The following ZDHHC14 variants were observed in gnomAD, a reference collection of about 807,000 sequenced individuals.
ZDHHC14 encodes the protein zDHHC palmitoyltransferase 14.
In ZDHHC14, 16 loss-of-function variants were observed where a neutral mutation model predicts 47.7. The observed-to-expected ratio is 0.34, with a 90% confidence interval of 0.23 to 0.51. The LOEUF is 0.51. Among genes scored for constraint, ZDHHC14 ranks in the 20% least tolerant of loss-of-function variants. The pLI, the probability that ZDHHC14 is intolerant of heterozygous loss-of-function variation, is 0.97. For missense variants in ZDHHC14, 515 were observed against 662.5 expected (o/e 0.78, Z 2.44); for synonymous variants, 293 against 278.9 (o/e 1.05, Z -0.50).
chr6:157,386,314 C>T (rs1290039246), intron 1 of ZDHHC14, among the ~76,000 whole-genome samples: 1 of 152,102 alleles, frequency 6.6e-6, no homozygotes, highest in Non-Finnish European at 1.5e-5. Flanking sequence ...CGAGACCAGC[C>T]TGGGCAACAT....
intron 2 of ZDHHC14, among the ~76,000 whole-genome samples, chr6:157,568,239 A>G (rs530283977): frequency 3.3e-5 from 5 of 152,336 alleles, no homozygotes; most frequent in African/African-American, 1.2e-4. Context: ...TCTCACTACA[A>G]AGTAATATAT....
chr6:157,454,297 T>C (rs949420546), intron 1 of ZDHHC14, among the ~76,000 whole-genome samples: 1 of 152,216 alleles, frequency 6.6e-6, no homozygotes, highest in African/African-American at 2.4e-5. Context: ...CCTTGGTATG[T>C]TCTCAATATT....
chr6:157,595,878 T>C (rs1784108080), intron 3 of ZDHHC14, among the ~76,000 whole-genome samples: 1 of 152,010 alleles, frequency 6.6e-6, no homozygotes, highest in Non-Finnish European at 1.5e-5. Context: ...ATGGTGGTGG[T>C]CTATGTATGG....
At chr6:157,572,104 C>CT (rs990240693) in intron 2 of ZDHHC14, among the ~76,000 whole-genome samples, 49 of 152,228 alleles carry the variant, frequency 3.2e-4, no homozygotes, top group African/African-American at 1.2e-3. Flanking sequence ...ATGGCCCACA[C>CT]TTTGAGTAGC....
At chr6:157,544,417 G>A (rs916785899) in intron 2 of ZDHHC14, among the ~76,000 whole-genome samples, 12 of 152,178 alleles carry the variant, frequency 7.9e-5, no homozygotes, top group African/African-American at 2.9e-4. Context: ...GGAGGTCAAG[G>A]TGGGAGGATC....
chr6:157,454,632 G>A (rs991276212), intron 1 of ZDHHC14, among the ~76,000 whole-genome samples: 1 of 151,752 alleles, frequency 6.6e-6, no homozygotes, highest in Non-Finnish European at 1.5e-5. Context: ...GCCTCCCCAA[G>A]TGCTGGGATT....
chr6:157,608,025 G>A (rs933858477), intron 3 of ZDHHC14, among the ~76,000 whole-genome samples: 2 of 152,232 alleles, frequency 1.3e-5, no homozygotes, highest in Non-Finnish European at 2.9e-5. Flanking sequence ...TACCTGGTTT[G>A]TGCCTGAAAA....
intron 1 of ZDHHC14, among the ~76,000 whole-genome samples, chr6:157,408,167 C>T (rs2114754673): frequency 6.6e-6 from 1 of 152,252 alleles, no homozygotes; most frequent in South Asian, 2.1e-4. Context: ...AGAAACCGCC[C>T]AAATAACAGA....
At chr6:157,492,307 G>T (rs528193939) in intron 1 of ZDHHC14, among the ~76,000 whole-genome samples, 1 of 150,884 alleles carries the variant, frequency 6.6e-6, no homozygotes, top group East Asian at 2.0e-4. Flanking sequence ...ACCTCAACTC[G>T]CTAAGTTCCA....
intron 4 of ZDHHC14, chr6:157,630,486 ACACT>A (rs1785632928): frequency 2.0e-5 from 3 of 152,118 alleles, no homozygotes; most frequent in South Asian, 2.1e-4. Context: ...CATTCTAGCC[ACACT>A]CACACTCATA....
intron 3 of ZDHHC14, among the ~76,000 whole-genome samples, chr6:157,619,361 A>AGC (rs1785092226): frequency 1.3e-5 from 2 of 152,234 alleles, no homozygotes; most frequent in South Asian, 4.1e-4. Context: ...ACTGTACTCC[A>AGC]GCCTGGGTGG....
At chr6:157,484,310 TATATACAC>T (rs1779712962) in intron 1 of ZDHHC14, among the ~76,000 whole-genome samples, 1 of 112,460 alleles carries the variant, frequency 8.9e-6, no homozygotes, top group Non-Finnish European at 2.0e-5. Flanking sequence ...TATATACATA[TATATACAC>T]ATATATATAC....
intron 1 of ZDHHC14, among the ~76,000 whole-genome samples, chr6:157,397,195 T>G (rs1028748210): frequency 4.3e-4 from 66 of 152,242 alleles, no homozygotes; most frequent in African/African-American, 1.5e-3. Context: ...GGGGGAGACT[T>G]AAGTATGGAA....
At chr6:157,576,952 C>A (rs924397567) in intron 2 of ZDHHC14, among the ~76,000 whole-genome samples, 1 of 152,106 alleles carries the variant, frequency 6.6e-6, no homozygotes, top group Non-Finnish European at 1.5e-5. Flanking sequence ...GTTTAGTGTA[C>A]AGATTATTTC....
intron 1 of ZDHHC14, among the ~76,000 whole-genome samples, chr6:157,410,895 C>T (rs1480809448): frequency 6.6e-6 from 1 of 152,154 alleles, no homozygotes; most frequent in African/African-American, 2.4e-5. Context: ...CGGGGTTTCA[C>T]CATGTTGGCC....
intron 1 of ZDHHC14, among the ~76,000 whole-genome samples, chr6:157,392,808 C>G (rs1364342109): frequency 6.6e-6 from 1 of 152,190 alleles, no homozygotes; most frequent in African/African-American, 2.4e-5. Flanking sequence ...CCCTGTCTCC[C>G]TCTAGAGACT....
intron 3 of ZDHHC14, among the ~76,000 whole-genome samples, chr6:157,622,717 A>G (rs1562513515): frequency 1.3e-5 from 2 of 152,046 alleles, no homozygotes; most frequent in Non-Finnish European, 2.9e-5. Flanking sequence ...GCCTTCTCAG[A>G]ACGTATGCAG....
intron 1 of ZDHHC14, among the ~76,000 whole-genome samples, chr6:157,451,801 C>G (rs2114803568): frequency 6.6e-6 from 1 of 152,284 alleles, no homozygotes; most frequent in East Asian, 1.9e-4. Flanking sequence ...TTCAAGTGAT[C>G]CACCCACCTC....
chr6:157,386,391 G>T (rs1001763415), intron 1 of ZDHHC14, among the ~76,000 whole-genome samples: 1 of 152,160 alleles, frequency 6.6e-6, no homozygotes, highest in African/African-American at 2.4e-5. Context: ...AAGCACCTTT[G>T]TGTGAGTCCA....
Sources: allele counts gnomAD v4.1 joint callset (sites outside exome capture counted in the v4.1 genomes callset), GRCh38; gene constraint gnomAD v4.1.1; transcripts MANE v1.5; gene names NCBI Gene and HGNC (gene_info 2026-07-23, HGNC 2026-07-21).